The following CREBBP variants were observed in gnomAD, a reference collection of about 807,000 sequenced individuals.
The protein encoded by CREBBP is CREB-binding protein.
In CREBBP, 19 loss-of-function variants were observed where a neutral mutation model predicts 265.0. The ratio of observed to expected loss-of-function variants is 0.07; its 90% CI spans 0.05 to 0.11. The LOEUF (loss-of-function observed/expected upper bound fraction) is 0.11. Among genes scored for constraint, CREBBP ranks in the 10% least tolerant of loss-of-function variants. CREBBP has a pLI of 1.00. For synonymous variants in CREBBP, 1,457 were observed against 1,223.7 expected, an observed-to-expected ratio of 1.19 and a Z score of -3.98; for missense variants, 2,525 against 3,219.0, an observed-to-expected ratio of 0.78 and a Z score of 5.22.
In CREBBP at chr16:3,772,541, G is replaced by A. The variant is rs375873560; in HGVS notation, c.2463+1210C>T. Among the ~76,000 whole-genome samples the A allele has an allele frequency of 6.6e-5, 10 of 152,144 alleles. No homozygotes were observed. The East Asian group carries it at 9.7e-4, about 15-fold the overall frequency. On this transcript the variant is annotated intron_variant, in intron 13 of 30. Transcript: ENST00000262367. Reference sequence around the variant, plus strand: ...TGTTTCTGTAAATAAAGCTTTATTGGCACACAGCCACCTCATTTATGTACC... The same window carrying A: ...TGTTTCTGTAAATAAAGCTTTATTGACACACAGCCACCTCATTTATGTACC...
intron 5 of CREBBP, 103 bp downstream of exon 5, chr16:3,791,878 C>T (rs541036854): frequency 4.9e-6 from 5 of 1,016,350 alleles, no homozygotes; most frequent in Non-Finnish European, 7.8e-6. Flanking sequence ...CCCTGCACTC[C>T]ATGGCTCATA....
chr16:3,766,670 C>T (rs1397421277), intron 16 of CREBBP, among the ~76,000 whole-genome samples: 8 of 152,028 alleles, frequency 5.3e-5, no homozygotes, highest in African/African-American at 1.7e-4. Context: ...GAATTATAGG[C>T]GTGCACCACC....
rs551229632 is a variant in CREBBP at position 3,777,907 on chromosome 16, A to T, written c.2113+104T>A. On this transcript the variant is annotated intron_variant, in intron 10 of 30. Coordinates refer to ENST00000262367, the MANE Select transcript of CREBBP (RefSeq NM_004380.3). The stretch of plus-strand genomic sequence containing the variant: ...GCCACATCAACAGCTTCTGCAGGGC[A>T]TGCATCAGATATTCTAATTCTCTGT... The T allele has an allele frequency of 4.4e-6, 6 of 1,354,696 alleles. No homozygotes were observed. In the African/African-American group the frequency reaches 8.6e-5, roughly 19 times the overall value. 83.9% of individuals were successfully genotyped at this position (1,354,696 alleles called of 1,614,324 possible). A position where few individuals can be genotyped will look rare whatever the true frequency, so the allele number is the denominator to read the frequency against.
rs542552676 is a variant in CREBBP, at chr16:3,850,681, G to C, written c.414C>G (p.Ala138=). 2 of 1,614,174 alleles carry C rather than the reference G, an allele frequency of 1.2e-6. No individual in the cohort carries two copies. The highest frequency in any genetic ancestry group is 2.2e-5 in the South Asian group (2 of 91,082). Reference sequence around the variant, plus strand: ...CAGCGGGGGTGGGCCCAGAGGTGCTGGCTGCCTGTTTAGGCAGGCTGGGGG... The same window carrying C: ...CAGCGGGGGTGGGCCCAGAGGTGCTCGCTGCCTGTTTAGGCAGGCTGGGGG... The part of the protein sequence containing the change: ...SSAPSLPKQA[A]STSGPTPAAS... The change falls in exon 2 of 31, where the codon GCC becomes GCG. Residue 138 remains alanine (A), a synonymous_variant. Coordinates refer to ENST00000262367, the MANE Select transcript of CREBBP (RefSeq NM_004380.3).
chr16:3,734,564 A>G (rs1555472598), intron 28 of CREBBP, among the ~76,000 whole-genome samples: 1 of 152,136 alleles, frequency 6.6e-6, no homozygotes, highest in Non-Finnish European at 1.5e-5. Context: ...CACCCTTAGG[A>G]GATGGAACTC....
At chr16:3,863,397 G>A (rs2055115685) in intron 1 of CREBBP, among the ~76,000 whole-genome samples, 1 of 152,162 alleles carries the variant, frequency 6.6e-6, no homozygotes, top group African/African-American at 2.4e-5. Flanking sequence ...GAGGTCAGGA[G>A]ATCAAGACCC....
rs536803927 is a variant in CREBBP at position 3,739,972 on chromosome 16, C to G, written c.4134-248G>C. ...ATGAAATACGGGATTCTGAGGAGGA[C>G]TGGCTATACAGCAGTCCCCCTTATC... On this transcript the variant is annotated intron_variant, in intron 24 of 30. Transcript: ENST00000262367. Among the ~76,000 whole-genome samples the G allele has an allele frequency of 1.6e-4, 24 of 152,334 alleles. No homozygotes were observed. The South Asian group carries it at 4.3e-3, about 28-fold the overall frequency.
chr16:3,835,447 A>G (rs2141428211), intron 2 of CREBBP, among the ~76,000 whole-genome samples: 1 of 152,320 alleles, frequency 6.6e-6, no homozygotes, highest in South Asian at 2.1e-4. Flanking sequence ...GTTTGCCCTT[A>G]GACTACAGAG....
chr16:3,782,337 T>C (rs2053290771), intron 6 of CREBBP, among the ~76,000 whole-genome samples: 1 of 152,120 alleles, frequency 6.6e-6, no homozygotes, highest in African/African-American at 2.4e-5. Flanking sequence ...CAAACACAAG[T>C]ACTCCAACAA....
intron 1 of CREBBP, among the ~76,000 whole-genome samples, chr16:3,861,402 T>C (rs146854484): frequency 3.5e-4 from 53 of 152,334 alleles, no homozygotes; most frequent in African/African-American, 1.3e-3. Context: ...ATATTAGTCA[T>C]TACTATCACT....
At chr16:3,829,122 G>T (rs2054294614) in intron 2 of CREBBP, among the ~76,000 whole-genome samples, 2 of 151,676 alleles carry the variant, frequency 1.3e-5, no homozygotes, top group Admixed American at 1.3e-4. Flanking sequence ...GGTGACAGAT[G>T]GACAGCAAAT....
intron 16 of CREBBP, among the ~76,000 whole-genome samples, chr16:3,764,794 G>A (rs1046025707): frequency 2.0e-5 from 3 of 151,916 alleles, no homozygotes; most frequent in African/African-American, 7.3e-5. Flanking sequence ...TGTTGCCCAG[G>A]CTAGTCTTGA....
At chr16:3,735,291 C>T (rs1276624006) in intron 28 of CREBBP, among the ~76,000 whole-genome samples, 10 of 152,092 alleles carry the variant, frequency 6.6e-5, no homozygotes, top group Non-Finnish European at 1.5e-4. Context: ...CCCTTGGGGG[C>T]GGAGATGGGG....
rs769480318 is a variant in CREBBP at position 3,767,784 on chromosome 16, T to C, written c.3186A>G (p.Glu1062=). The C allele has an allele frequency of 1.2e-6, 2 of 1,614,238 alleles. No homozygotes were observed. Among genetic ancestry groups the C allele is most frequent in the Non-Finnish European group, 1.7e-6 (2 of 1,180,034 alleles). ...CTGTGCCGTTACTGCTACTCTCTTC[T>C]TCCTCTTTAACTTCTACTTTCACTT... is the stretch of plus-strand genomic sequence containing the variant. ...KPEVKVEVKE[E]EESSSNGTAS... Residue 1062 remains glutamate (E), a synonymous_variant, in exon 16 of 31, where the codon GAA becomes GAG. Coordinates refer to ENST00000262367, the MANE Select transcript of CREBBP (RefSeq NM_004380.3).
intron 5 of CREBBP, among the ~76,000 whole-genome samples, chr16:3,784,772 C>G (rs1310775131): frequency 6.6e-6 from 1 of 152,202 alleles, no homozygotes; most frequent in Non-Finnish European, 1.5e-5. Context: ...ATCTACTTAA[C>G]TAAAATGCCC....
At chr16:3,799,734 A>G (rs892760976) in intron 3 of CREBBP, among the ~76,000 whole-genome samples, 2 of 152,370 alleles carry the variant, frequency 1.3e-5, no homozygotes, top group East Asian at 1.9e-4. Context: ...CCCATGAAAA[A>G]TAAGGCAGAC....
At chr16:3,770,511 A>C (rs1301333488) in intron 14 of CREBBP, 59 bp downstream of exon 14, 7 of 1,586,406 alleles carry the variant, frequency 4.4e-6, no homozygotes, top group Non-Finnish European at 6.0e-6. Flanking sequence ...CACAATTTTT[A>C]TGGGAAAATT....
chr16:3,836,890 C>T (rs1299885746), intron 2 of CREBBP, among the ~76,000 whole-genome samples: 1 of 152,148 alleles, frequency 6.6e-6, no homozygotes, highest in Non-Finnish European at 1.5e-5. Flanking sequence ...ACTGTCATAG[C>T]ATAAGGCATT....
chr16:3,761,132 T>G (rs1442066522), intron 16 of CREBBP, among the ~76,000 whole-genome samples: 1 of 152,082 alleles, frequency 6.6e-6, no homozygotes, highest in Non-Finnish European at 1.5e-5. Flanking sequence ...TTTTGTATTT[T>G]TAGTAGAGAC....
Sources: gnomAD v4.1 joint callset for allele counts (sites outside exome capture counted in the v4.1 genomes callset) on GRCh38, gnomAD v4.1.1 for gene constraint, MANE v1.5 for transcripts, NCBI Gene and HGNC (gene_info 2026-07-23, HGNC 2026-07-21) for gene names.